PABPC5: variants seen among roughly 807,000 people sequenced by gnomAD.
PABPC5 encodes the protein poly(A) binding protein cytoplasmic 5.
Under a neutral mutation model 12.6 loss-of-function variants are expected in PABPC5, and 6 were observed. The ratio of observed to expected loss-of-function variants is 0.48; its 90% confidence interval spans 0.26 to 0.94. The LOEUF (loss-of-function observed/expected upper bound fraction) is 0.94. Among genes scored for constraint, PABPC5 ranks in the 40% least tolerant of loss-of-function variants. The pLI is 0.14. For missense variants in PABPC5, 244 were observed against 302.8 expected, an observed-to-expected ratio of 0.81 and a Z score of 1.44; for synonymous variants, 124 against 118.4, an observed-to-expected ratio of 1.05 and a Z score of -0.31.
Position 91,435,498 on chromosome X carries a change from T to G in PABPC5, c.-80T>G. On this transcript the variant is annotated 5_prime_UTR_variant, in exon 2 of 2. Transcript: ENST00000312600. ...TGCCTGCCTTGGCTTTTTCTGTTCG[T>G]GAACAGCTGTTTGGCCCATAGCTTA... 4.1e-6 allele frequency: 4 copies of G among 973,087 alleles called. No individual in the cohort carries two copies. The highest frequency in any genetic ancestry group is 5.6e-6 in the Non-Finnish European group (4 of 718,377). The allele number at this position is 973,087 out of a possible 1,213,427, so 80.2% of individuals were successfully genotyped here.
At chrX:91,435,407 CA>C in intron 1 of PABPC5, 27 bp from the exon 2 acceptor site, 1 of 446,754 alleles carries the variant, frequency 2.2e-6, no homozygotes, top group East Asian at 3.8e-5. Context: ...GCCTGCTGAC[CA>C]GCTGTTTCTG....
Position 91,437,187 on chromosome X carries a change from A to C in PABPC5, c.*461A>C, listed in dbSNP as rs954263106. The C allele has an allele frequency of 7.9e-6, 1 of 125,861 alleles. No homozygotes were observed. Among genetic ancestry groups the C allele is most frequent in the Non-Finnish European group, 1.8e-5 (1 of 54,869 alleles). The allele number at this position is 125,861 out of a possible 1,213,427, so 10.4% of individuals were successfully genotyped here. The stretch of plus-strand genomic sequence containing the variant: ...CATCTGCATAATTTCACTTAAAATT[A>C]TTATGCAAAAATGAATGTTTTTTCA... On this transcript the variant is annotated 3_prime_UTR_variant, in exon 2 of 2. Coordinates refer to ENST00000312600, the MANE Select transcript of PABPC5 (RefSeq NM_080832.3).
In PABPC5 at chrX:91,436,704, G is replaced by C. The variant is rs200372156; in HGVS notation, c.1127G>C (p.Gly376Ala). The C allele has an allele frequency of 4.1e-6, 5 of 1,207,293 alleles. No homozygotes were observed. Among genetic ancestry groups the C allele is most frequent in the Non-Finnish European group, 1.1e-6 (1 of 894,349 alleles). ...VGSKPLHVTLGQARRRC is the reference protein window; with the variant it reads ...VGSKPLHVTLAQARRRC The stretch of plus-strand genomic sequence containing the variant: ...TCCAAGCCCCTGCATGTCACCCTGG[G>C]CCAGGCCAGGCGCAGGTGCTGAGAA... The change falls in exon 2 of 2, where the codon GGC becomes GCC. Residue 376 changes from glycine to alanine, a missense_variant. By Grantham distance (60) the Gly-to-Ala change is moderately conservative. Transcript: ENST00000312600.
rs774915040 is a variant in PABPC5, at chrX:91,435,634, T to A, written c.57T>A (p.Ala19=). The A allele has an allele frequency of 8.3e-7, 1 of 1,211,247 alleles. No homozygotes were observed. Among genetic ancestry groups the A allele is most frequent in the Non-Finnish European group, 1.1e-6 (1 of 895,333 alleles). The change falls in exon 2 of 2, where the codon GCT becomes GCA. Residue 19 remains alanine, a synonymous_variant. Transcript: ENST00000312600. ...AGAAAAAGAAGTATCTCAAGGCCGC[T>A]CTGTACGTGGGTGACTTGGACCCAG... ...AGKKKKYLKA[A]LYVGDLDPDV...
chrX:91,436,087 C>T lies in PABPC5; in HGVS notation c.510C>T (p.Leu170=). 5.0e-6 allele frequency: 6 copies of T among 1,211,641 alleles called. No individual in the cohort carries two copies. In the Middle Eastern group the frequency reaches 1.4e-3, roughly 278 times the overall value. ...RAIWHMNGVR[L]NNRQVYVGRF... ...TCTGGCACATGAATGGAGTGCGGCTCAACAACCGCCAGGTGTATGTTGGCA... is the reference window on the plus strand; with the variant it reads ...TCTGGCACATGAATGGAGTGCGGCTTAACAACCGCCAGGTGTATGTTGGCA... Residue 170 remains leucine (L), a synonymous_variant, in exon 2 of 2, where the codon CTC becomes CTT. Transcript: ENST00000312600.
chrX:91,436,452 G>A lies in PABPC5; in HGVS notation c.875G>A (p.Arg292Lys). The A allele has an allele frequency of 1.7e-6, 2 of 1,211,768 alleles. No individual in the cohort carries two copies. Among genetic ancestry groups the A allele is most frequent in the Non-Finnish European group, 2.2e-6 (2 of 895,550 alleles). ...AELRRRFERL[R>K]LKEKSRPPGV... The stretch of plus-strand genomic sequence containing the variant: ...TTGAGGCGGAGATTTGAACGGCTGA[G>A]GTTAAAAGAAAAAAGTCGGCCCCCA... The change falls in exon 2 of 2, where the codon AGG becomes AAG. Residue 292 changes from arginine (R) to lysine (K), a missense_variant. By Grantham distance (26) the Arg-to-Lys change is conservative. This residue lies in a region of PABPC5 where 211 missense variants were observed against 261.5 expected (regional missense o/e 0.81). Transcript: ENST00000312600.
chrX:91,435,597 A>C lies in PABPC5; in HGVS notation c.20A>C (p.Asn7Thr). Reference protein sequence around the residue: MGSGEPNPAGKKKKYLK... With the variant: MGSGEPTPAGKKKKYLK... Reference sequence around the variant, plus strand: ...AGAGAGATGGGGAGCGGGGAGCCTAATCCTGCTGGCAAGAAAAAGAAGTAT... The same window carrying C: ...AGAGAGATGGGGAGCGGGGAGCCTACTCCTGCTGGCAAGAAAAAGAAGTAT... Residue 7 changes from asparagine to threonine, a missense_variant, in exon 2 of 2, where the codon AAT (asparagine) becomes ACT (threonine). Physicochemically the swap from Asn to Thr is moderately conservative, Grantham distance 65 (BLOSUM62 0). This residue lies in a region of PABPC5 where 29 missense variants were observed against 20.5 expected (regional missense o/e 1.41). Transcript: ENST00000312600. 1 of 1,208,210 alleles carries C rather than the reference A, an allele frequency of 8.3e-7. No individual in the cohort carries two copies. Among genetic ancestry groups the C allele is most frequent in the Admixed American group, 2.2e-5 (1 of 45,793 alleles).
At position 91,435,491 on chromosome X, in the gene PABPC5, C is replaced by A. The variant is rs988108295; in HGVS notation, c.-87C>A. On this transcript the variant is annotated 5_prime_UTR_variant, in exon 2 of 2. The change creates a new upstream start codon in the 5' untranslated region. Transcript: ENST00000312600. ...TTCCTTTTGCCTGCCTTGGCTTTTT[C>A]TGTTCGTGAACAGCTGTTTGGCCCA... The A allele has an allele frequency of 1.1e-6, 1 of 928,999 alleles. No individual in the cohort carries two copies. Among genetic ancestry groups the A allele is most frequent in the African/African-American group, 2.0e-5 (1 of 50,792 alleles). The allele number at this position is 928,999 out of a possible 1,213,427, so 76.6% of individuals were successfully genotyped here. A position where few individuals can be genotyped will look rare whatever the true frequency, so the allele number is the denominator to read the frequency against.
rs756859458 is a variant in PABPC5, at chrX:91,436,510, G to A, written c.933G>A (p.Glu311=). 1 of 1,210,316 alleles carries A rather than the reference G, an allele frequency of 8.3e-7. No individual in the cohort carries two copies. Among genetic ancestry groups the A allele is most frequent in the African/African-American group, 1.7e-5 (1 of 57,252 alleles). The change falls in exon 2 of 2, where the codon GAG becomes GAA. Residue 311 remains glutamate (E), a synonymous_variant. Coordinates refer to ENST00000312600, the MANE Select transcript of PABPC5 (RefSeq NM_080832.3). ...CTATCTATATTAAGAACTTGGATGA[G>A]ACAATCAATGATGAAAAACTGAAGG... The part of the protein sequence containing the change: ...GVPIYIKNLD[E]TINDEKLKEE...
In PABPC5 at chrX:91,436,060, C is replaced by A. The variant is rs370948281; in HGVS notation, c.483C>A (p.Ala161=). Residue 161 remains alanine (A), a synonymous_variant, in exon 2 of 2, where the codon GCC becomes GCA. Transcript: ENST00000312600. ...HFDSLAAANR[A]IWHMNGVRLN... is the part of the protein sequence containing the mutation. ...ACAGCCTGGCCGCTGCCAATAGAGCCATCTGGCACATGAATGGAGTGCGGC... is the reference window on the plus strand; with the variant it reads ...ACAGCCTGGCCGCTGCCAATAGAGCAATCTGGCACATGAATGGAGTGCGGC... 7.4e-5 allele frequency: 90 copies of A among 1,210,182 alleles called. No homozygotes were observed. Among genetic ancestry groups the A allele is most frequent in the Non-Finnish European group, 6.4e-5 (57 of 895,407 alleles).
Position 91,438,103 on chromosome X carries a change from T to C in PABPC5, c.*1377T>C, listed in dbSNP as rs1485927265. On this transcript the variant is annotated 3_prime_UTR_variant, in exon 2 of 2. Transcript: ENST00000312600. ...ATTACTTTTTTATAATATGATTCACTTATGCCACAGATTCAACATTAGAAT... is the reference window on the plus strand; with the variant it reads ...ATTACTTTTTTATAATATGATTCACCTATGCCACAGATTCAACATTAGAAT... 1.6e-5 allele frequency: 2 copies of C among 123,071 alleles called. No homozygotes were observed. The highest frequency in any genetic ancestry group is 3.8e-5 in the Non-Finnish European group (2 of 53,020). The allele number at this position is 123,071 out of a possible 1,213,427, so 10.1% of individuals were successfully genotyped here. A position where few individuals can be genotyped will look rare whatever the true frequency, so the allele number is the denominator to read the frequency against.
At position 91,438,350 on chromosome X, in the gene PABPC5, C is replaced by G. The variant is rs1451827538; in HGVS notation, c.*1624C>G. On this transcript the variant is annotated 3_prime_UTR_variant, in exon 2 of 2. Transcript: ENST00000312600. Reference sequence around the variant, plus strand: ...AATCACTGTTTATATTGATTATAAACATAAGACATGCTCATTGTAAAAAAT... The same window carrying G: ...AATCACTGTTTATATTGATTATAAAGATAAGACATGCTCATTGTAAAAAAT... The G allele has an allele frequency of 1.1e-4, 14 of 122,841 alleles. No individual in the cohort carries two copies. The highest frequency in any genetic ancestry group is 2.5e-4 in the Non-Finnish European group (13 of 52,927). 10.1% of individuals were successfully genotyped at this position (122,841 alleles called of 1,213,427 possible).
Position 91,435,988 on chromosome X carries a change from C to T in PABPC5, c.411C>T (p.Val137=). 1 of 1,211,492 alleles carries T rather than the reference C, an allele frequency of 8.3e-7. No homozygotes were observed. The part of the protein sequence containing the change: ...SAFGNILSCK[V]VCDDNGSKGY... ...TTGGGAACATTCTGTCCTGCAAAGT[C>T]GTATGCGATGACAACGGCTCTAAGG... The change falls in exon 2 of 2, where the codon GTC becomes GTT. Residue 137 remains valine, a synonymous_variant. Transcript: ENST00000312600.
chrX:91,436,053 A>G lies in PABPC5; in HGVS notation c.476A>G (p.Asn159Ser), dbSNP rs776977288. Reference protein sequence around the residue: ...YVHFDSLAAANRAIWHMNGVR... With the variant: ...YVHFDSLAAASRAIWHMNGVR... ...CACTTTGACAGCCTGGCCGCTGCCA[A>G]TAGAGCCATCTGGCACATGAATGGA... is the stretch of plus-strand genomic sequence containing the variant. Residue 159 changes from asparagine (N) to serine (S), a missense_variant, in exon 2 of 2, where the codon AAT (asparagine) becomes AGT (serine). Asn to Ser is a conservative substitution (Grantham distance 46). Around this residue, in one of 3 missense-constraint regions of PABPC5, gnomAD observed 211 missense variants for 261.5 expected, o/e 0.81. Transcript: ENST00000312600. 3 of 1,212,096 alleles carry G rather than the reference A, an allele frequency of 2.5e-6. No homozygotes were observed. The highest frequency in any genetic ancestry group is 2.2e-6 in the Non-Finnish European group (2 of 895,628).
At position 91,436,786 on chromosome X, in the gene PABPC5, T is replaced by C. The variant is rs1353166354; in HGVS notation, c.*60T>C. 2.9e-6 allele frequency: 3 copies of C among 1,023,309 alleles called. No individual in the cohort carries two copies. Among genetic ancestry groups the C allele is most frequent in the Non-Finnish European group, 3.9e-6 (3 of 768,077 alleles). The allele number at this position is 1,023,309 out of a possible 1,213,427, so 84.3% of individuals were successfully genotyped here. On this transcript the variant is annotated 3_prime_UTR_variant, in exon 2 of 2. Coordinates refer to ENST00000312600, the MANE Select transcript of PABPC5 (RefSeq NM_080832.3). ...GGTGCCTCCTTAGTTTGGGCTCCTT[T>C]GTGATAAGGGGTTATTTTATGCTAA...
In PABPC5 at chrX:91,436,075, T is replaced by C. The variant is rs988422965; in HGVS notation, c.498T>C (p.Asn166=). Residue 166 remains asparagine, a synonymous_variant, in exon 2 of 2, where the codon AAT becomes AAC. Transcript: ENST00000312600. ...AAANRAIWHM[N]GVRLNNRQVY... is the part of the protein sequence containing the mutation. ...CCAATAGAGCCATCTGGCACATGAA[T>C]GGAGTGCGGCTCAACAACCGCCAGG... is the stretch of plus-strand genomic sequence containing the variant. 1.7e-6 allele frequency: 2 copies of C among 1,210,156 alleles called. No individual in the cohort carries two copies. Among genetic ancestry groups the C allele is most frequent in the Non-Finnish European group, 2.2e-6 (2 of 895,369 alleles).
At position 91,437,049 on chromosome X, in the gene PABPC5, A is replaced by ATT. The variant is rs373564499; in HGVS notation, c.*330_*331dup. ...TCCCTTCTTATTTCAGTAATACTCT[A>ATT]TTTTTTTTCATGAAAATGTCAACAT... On this transcript the variant is annotated 3_prime_UTR_variant, in exon 2 of 2. Transcript: ENST00000312600. The ATT allele has an allele frequency of 4.9e-6, 1 of 202,884 alleles. No individual in the cohort carries two copies. Among genetic ancestry groups the ATT allele is most frequent in the African/African-American group, 3.0e-5 (1 of 32,972 alleles). The allele number at this position is 202,884 out of a possible 1,213,427, so 16.7% of individuals were successfully genotyped here.
In PABPC5 at chrX:91,436,073, A is replaced by G; in HGVS notation, c.496A>G (p.Asn166Asp). Residue 166 changes from asparagine to aspartate, a missense_variant, in exon 2 of 2, where the codon AAT becomes GAT. Physicochemically the swap from Asn to Asp is conservative, Grantham distance 23. Coordinates refer to ENST00000312600, the MANE Select transcript of PABPC5 (RefSeq NM_080832.3). ...TGCCAATAGAGCCATCTGGCACATG[A>G]ATGGAGTGCGGCTCAACAACCGCCA... is the stretch of plus-strand genomic sequence containing the variant. Reference protein sequence around the residue: ...AAANRAIWHMNGVRLNNRQVY... With the variant: ...AAANRAIWHMDGVRLNNRQVY... 8.3e-7 allele frequency: 1 copy of G among 1,211,976 alleles called. No homozygotes were observed.
rs1221519963 is a variant in PABPC5, at chrX:91,437,650, G to A, written c.*924G>A. On this transcript the variant is annotated 3_prime_UTR_variant, in exon 2 of 2. Transcript: ENST00000312600. ...AAAAGGCAGTACTCCACAGAATGAT[G>A]TTGAAAAACTTCTTCGAAGAACACC... The A allele has an allele frequency of 8.1e-6, 1 of 122,956 alleles. No homozygotes were observed. Among genetic ancestry groups the A allele is most frequent in the East Asian group, 2.8e-4 (1 of 3,578 alleles). The allele number at this position is 122,956 out of a possible 1,213,427, so 10.1% of individuals were successfully genotyped here.
Sources: gnomAD v4.1 joint callset for allele counts on GRCh38, gnomAD v4.1.1 for gene constraint, gnomAD v4.1.1 regional missense constraint, MANE v1.5 for transcripts, NCBI Gene and HGNC (gene_info 2026-07-23, HGNC 2026-07-21) for gene names.